The following CNBD1 variants were observed in gnomAD, a reference collection of about 807,000 sequenced individuals.
CNBD1 encodes the protein cyclic nucleotide-binding domain-containing protein 1.
In CNBD1, 71 loss-of-function variants were observed where a neutral mutation model predicts 54.4. The observed-to-expected ratio is 1.30, with a 90% confidence interval of 1.08 to 1.59. CNBD1 has a LOEUF of 1.59. CNBD1 is among the 40% of genes most tolerant of loss of function. The pLI is 0.00. For synonymous variants in CNBD1, 182 were observed against 170.7 expected (o/e 1.07, Z -0.51); for missense variants, 659 against 518.0 (o/e 1.27, Z -2.64).
chr8:87,271,853 C>T (rs151010931), intron 6 of CNBD1, among the ~76,000 whole-genome samples: 1 of 151,146 alleles, frequency 6.6e-6, no homozygotes, highest in African/African-American at 2.5e-5. Flanking sequence ...ACAGAAGCAA[C>T]CTAAGTGTCC....
chr8:87,070,515 A>T (rs988956295), intron 4 of CNBD1, among the ~76,000 whole-genome samples: 4 of 152,160 alleles, frequency 2.6e-5, no homozygotes, highest in African/African-American at 9.6e-5. Flanking sequence ...ACTTTTAAAA[A>T]AGACAAGTTC....
intron 4 of CNBD1, among the ~76,000 whole-genome samples, chr8:86,992,485 T>C (rs186067046): frequency 6.6e-6 from 1 of 152,258 alleles, no homozygotes; most frequent in East Asian, 1.9e-4. Context: ...TTAGTATTGA[T>C]ATACGAAATT....
intron 6 of CNBD1, among the ~76,000 whole-genome samples, chr8:87,255,328 T>A (rs1312908446): frequency 1.3e-4 from 20 of 152,118 alleles, no homozygotes; most frequent in Non-Finnish European, 2.9e-5. Flanking sequence ...ACTCTCTGCA[T>A]GTAAAAAAAT....
At chr8:87,352,032 A>G (rs765459094) in intron 9 of CNBD1, among the ~76,000 whole-genome samples, 5 of 152,190 alleles carry the variant, frequency 3.3e-5, no homozygotes, top group Non-Finnish European at 7.4e-5. Context: ...AATATGCTTC[A>G]CGTTCTTATT....
intron 10 of CNBD1, among the ~76,000 whole-genome samples, chr8:87,362,183 G>T (rs1212169365): frequency 6.6e-6 from 1 of 152,070 alleles, no homozygotes; most frequent in Non-Finnish European, 1.5e-5. Flanking sequence ...TGCAATGCCT[G>T]TGAGGAGTCT....
chr8:87,333,977 G>A (rs1196286342), intron 8 of CNBD1, among the ~76,000 whole-genome samples: 3 of 152,058 alleles, frequency 2.0e-5, no homozygotes, highest in East Asian at 3.9e-4. Flanking sequence ...GGTTGAATTC[G>A]GCTGTTAATC....
intron 8 of CNBD1, among the ~76,000 whole-genome samples, chr8:87,297,702 GGT>G (rs10600761): frequency 3.7e-4 from 30 of 82,188 alleles, no homozygotes; most frequent in African/African-American, 5.5e-4. Flanking sequence ...GAGAATGTGG[GGT>G]GTGTGTGTGT....
At chr8:87,087,745 C>T (rs979825769) in intron 4 of CNBD1, among the ~76,000 whole-genome samples, 1 of 152,090 alleles carries the variant, frequency 6.6e-6, no homozygotes, top group African/African-American at 2.4e-5. Context: ...GGATTACAGG[C>T]GTGAGCCACT....
intron 6 of CNBD1, among the ~76,000 whole-genome samples, chr8:87,284,034 A>C (rs984126731): frequency 1.3e-5 from 2 of 152,134 alleles, no homozygotes; most frequent in African/African-American, 2.4e-5. Flanking sequence ...AGGCATATCG[A>C]CCTGATGTTT....
chr8:87,382,266 C>T (rs1311333273), intron 10 of CNBD1, among the ~76,000 whole-genome samples: 3 of 151,838 alleles, frequency 2.0e-5, no homozygotes, highest in Non-Finnish European at 4.4e-5. Flanking sequence ...ATTTTACATT[C>T]ATATGAAACA....
At chr8:86,909,413 T>C (rs1185912466) in intron 3 of CNBD1, among the ~76,000 whole-genome samples, 1 of 152,254 alleles carries the variant, frequency 6.6e-6, no homozygotes, top group African/African-American at 2.4e-5. Flanking sequence ...ATCGTAAAGC[T>C]AGATGGTTTC....
chr8:87,376,333 A>G (rs1009136653), intron 10 of CNBD1, among the ~76,000 whole-genome samples: 6 of 151,852 alleles, frequency 4.0e-5, no homozygotes, highest in Admixed American at 3.3e-4. Flanking sequence ...ATGGCTGAGA[A>G]TAGAGAGCAA....
intron 8 of CNBD1, among the ~76,000 whole-genome samples, chr8:87,324,163 A>G (rs1376881583): frequency 2.4e-5 from 3 of 125,090 alleles, no homozygotes; most frequent in South Asian, 2.4e-4. Context: ...CCACTTGATC[A>G]TGGTGGATAA....
At chr8:87,137,664 G>T (rs62527289) in intron 4 of CNBD1, among the ~76,000 whole-genome samples, 74,143 of 151,858 alleles carry the variant, frequency 0.49, 18,317 homozygotes, top group African/African-American at 0.55. Flanking sequence ...GTTAAAGGAG[G>T]AGCAGTGGTT....
intron 10 of CNBD1, among the ~76,000 whole-genome samples, chr8:87,373,622 A>C (rs1002847554): frequency 6.6e-6 from 1 of 151,802 alleles, no homozygotes. Context: ...GTATGCTCCA[A>C]AAGTCTAATT....
chr8:87,390,956 C>A (rs1417756131), intron 2 of CNBD1, among the ~76,000 whole-genome samples: 1 of 151,964 alleles, frequency 6.6e-6, no homozygotes, highest in Non-Finnish European at 1.5e-5. Context: ...ATGGATGAAG[C>A]TGGAAACCAT....
At chr8:86,924,410 A>T (rs911373235) in intron 3 of CNBD1, among the ~76,000 whole-genome samples, 1 of 152,132 alleles carries the variant, frequency 6.6e-6, no homozygotes, top group African/African-American at 2.4e-5. Context: ...GGGTGTAGGA[A>T]CTCCACGAAT....
intron 2 of CNBD1, among the ~76,000 whole-genome samples, chr8:86,890,530 A>G (rs1027741311): frequency 2.0e-5 from 3 of 152,140 alleles, no homozygotes; most frequent in Admixed American, 6.5e-5. Flanking sequence ...TATTGTGAAC[A>G]GTGCTGCCAT....
intron 4 of CNBD1, among the ~76,000 whole-genome samples, chr8:87,150,125 C>T (rs775201130): frequency 4.6e-5 from 7 of 151,904 alleles, no homozygotes; most frequent in Non-Finnish European, 1.0e-4. Context: ...TGCAGTGAGC[C>T]GAGATGGCAC....
Sources: allele counts gnomAD v4.1 joint callset (sites outside exome capture counted in the v4.1 genomes callset), GRCh38; gene constraint gnomAD v4.1.1; transcripts MANE v1.5; gene names NCBI Gene and HGNC (gene_info 2026-07-23, HGNC 2026-07-21).